Variants in ANO4 observed in about 807,000 individuals in gnomAD.
ANO4 encodes anoctamin-4.
Under a neutral mutation model 141.9 loss-of-function variants are expected in ANO4, and 69 were observed. That is an observed-to-expected ratio of 0.49 (90% confidence interval 0.40 to 0.59). ANO4 has a LOEUF of 0.59. ANO4 is among the 20% of genes least tolerant of loss of function. The pLI is 0.00. For missense variants in ANO4, 894 were observed against 1,162.2 expected, an observed-to-expected ratio of 0.77 and a Z score of 3.36; for synonymous variants, 350 against 394.3, an observed-to-expected ratio of 0.89 and a Z score of 1.33.
intron 1 of ANO4, among the ~76,000 whole-genome samples, chr12:100,803,743 G>C (rs1309234877): frequency 6.6e-6 from 1 of 152,092 alleles, no homozygotes; most frequent in Admixed American, 6.6e-5. Context: ...TTATAAAAAT[G>C]AGATTAACTA....
intron 5 of ANO4, among the ~76,000 whole-genome samples, chr12:100,963,765 C>T (rs923647180): frequency 4.6e-5 from 7 of 152,024 alleles, no homozygotes; most frequent in African/African-American, 9.7e-5. Context: ...CTTTAACCCT[C>T]GAGGAATGTA....
At chr12:100,953,549 G>T (rs1409275650) in intron 5 of ANO4, among the ~76,000 whole-genome samples, 1 of 152,186 alleles carries the variant, frequency 6.6e-6, no homozygotes, top group African/African-American at 2.4e-5. Context: ...ATTTCCAGAT[G>T]AAGTAATTCA....
chr12:101,058,045 T>G (rs2048195736), intron 14 of ANO4, among the ~76,000 whole-genome samples: 1 of 152,100 alleles, frequency 6.6e-6, no homozygotes, highest in Non-Finnish European at 1.5e-5. Flanking sequence ...TTGAATAAAG[T>G]GTAAGGAAGG....
At chr12:100,904,607 T>C (rs1035667175) in intron 2 of ANO4, among the ~76,000 whole-genome samples, 2 of 152,006 alleles carry the variant, frequency 1.3e-5, no homozygotes, top group African/African-American at 4.8e-5. Flanking sequence ...GTATGGAGGC[T>C]CCTCAACTTG....
At chr12:100,743,828 T>C (rs954871210) in intron 3 of ANO4, among the ~76,000 whole-genome samples, 1 of 152,200 alleles carries the variant, frequency 6.6e-6, no homozygotes, top group African/African-American at 2.4e-5. Context: ...GTGAGCACAG[T>C]ACCTCATAGG....
At chr12:101,051,918 C>CAGA (rs1045122381) in intron 14 of ANO4, among the ~76,000 whole-genome samples, 4 of 152,184 alleles carry the variant, frequency 2.6e-5, no homozygotes, top group African/African-American at 9.6e-5. Context: ...AAAAATGTGT[C>CAGA]AGTTCTAATG....
chr12:100,951,376 A>G (rs2042963673), intron 5 of ANO4, among the ~76,000 whole-genome samples: 1 of 152,236 alleles, frequency 6.6e-6, no homozygotes, highest in African/African-American at 2.4e-5. Flanking sequence ...ATATAGACAC[A>G]TACACATGTA....
intron 1 of ANO4, among the ~76,000 whole-genome samples, chr12:100,805,114 T>G (rs1419264805): frequency 1.3e-5 from 2 of 152,178 alleles, no homozygotes; most frequent in African/African-American, 4.8e-5. Flanking sequence ...CTATCTTGAG[T>G]TAATTTTTGT....
chr12:100,930,656 G>A (rs1592750021), intron 3 of ANO4, among the ~76,000 whole-genome samples: 1 of 152,048 alleles, frequency 6.6e-6, no homozygotes, highest in African/African-American at 2.4e-5. Context: ...ATAACTTTCT[G>A]TGGCAGAAGG....
chr12:101,042,648 A>G (rs2047454330), intron 12 of ANO4, among the ~76,000 whole-genome samples, 180 bp downstream of exon 12: 2 of 152,330 alleles, frequency 1.3e-5, no homozygotes, highest in Admixed American at 1.3e-4. Flanking sequence ...CCTTGCTGCC[A>G]TGGTCTTCAG....
At chr12:100,843,845 G>A (rs1028719609) in intron 1 of ANO4, among the ~76,000 whole-genome samples, 3 of 152,176 alleles carry the variant, frequency 2.0e-5, no homozygotes. Flanking sequence ...AGTTGTTCAT[G>A]TTGAAAAACT....
intron 4 of ANO4, 59 bp downstream of exon 4, chr12:100,939,510 CAT>C: frequency 6.3e-7 from 1 of 1,581,796 alleles, no homozygotes; most frequent in South Asian, 1.1e-5. Context: ...ACCTGTGAAG[CAT>C]GTTCCAATGG....
intron 3 of ANO4, among the ~76,000 whole-genome samples, chr12:100,770,108 G>A (rs1403515639): frequency 3.9e-5 from 6 of 152,186 alleles, no homozygotes; most frequent in African/African-American, 1.4e-4. Context: ...GTAACACCGT[G>A]TTTTCCCTTT....
chr12:100,979,700 G>A (rs1008333838), intron 7 of ANO4, among the ~76,000 whole-genome samples: 1 of 152,000 alleles, frequency 6.6e-6, no homozygotes, highest in African/African-American at 2.4e-5. Context: ...GAGTGAATAA[G>A]AGCTTGAGAA....
chr12:100,889,149 C>T (rs146224564), intron 1 of ANO4, among the ~76,000 whole-genome samples: 18 of 150,720 alleles, frequency 1.2e-4, no homozygotes, highest in African/African-American at 3.2e-4. Context: ...TTTGTCCTTG[C>T]GATAGTTTAC....
In ANO4 at chr12:101,086,806, C is replaced by A; in HGVS notation, c.1683C>A (p.Ile561=). The change falls in exon 17 of 28, where the codon ATC becomes ATA. Residue 561 remains isoleucine (I), a synonymous_variant. Transcript: ENST00000392977. Reference sequence around the variant, plus strand: ...CTGCTGTGTGCATCAACTTCTGTATCATTATGTTGCTGAATGTGGTAAGTG... The same window carrying A: ...CTGCTGTGTGCATCAACTTCTGTATAATTATGTTGCTGAATGTGGTAAGTG... The part of the protein sequence containing the change: ...TGTAVCINFC[I]IMLLNVLYEK... 1 of 1,613,578 alleles carries A rather than the reference C, an allele frequency of 6.2e-7. No homozygotes were observed.
chr12:101,084,857 A>G (rs893206918), intron 16 of ANO4, among the ~76,000 whole-genome samples: 2 of 152,184 alleles, frequency 1.3e-5, no homozygotes, highest in Admixed American at 6.5e-5. Flanking sequence ...GGAAAGGACA[A>G]GCTTGCCCAA....
At chr12:100,749,587 A>G (rs2032276155) in intron 3 of ANO4, among the ~76,000 whole-genome samples, 1 of 152,228 alleles carries the variant, frequency 6.6e-6, no homozygotes, top group South Asian at 2.1e-4. Context: ...GACTGAAAAC[A>G]CCAATGAATC....
At chr12:100,893,018 T>C (rs2040181609) in intron 1 of ANO4, among the ~76,000 whole-genome samples, 1 of 152,148 alleles carries the variant, frequency 6.6e-6, no homozygotes, top group African/African-American at 2.4e-5. Flanking sequence ...GGGACATATA[T>C]ATAGACAATC....
Sources: gnomAD v4.1 joint callset for allele counts (sites outside exome capture counted in the v4.1 genomes callset) on GRCh38, gnomAD v4.1.1 for gene constraint, MANE v1.5 for transcripts, NCBI Gene and HGNC (gene_info 2026-07-23, HGNC 2026-07-21) for gene names.